Variants in ZNF48 observed in about 807,000 individuals in gnomAD.
The protein encoded by ZNF48 is zinc finger protein 48.
ZNF48 carries 20 observed loss-of-function variants against 40.0 expected under a neutral mutation model. That is an observed-to-expected ratio of 0.50 (90% CI 0.35 to 0.73). The LOEUF is 0.73. Among genes scored for constraint, ZNF48 ranks in the 30% least tolerant of loss-of-function variants. The pLI, the probability that ZNF48 is intolerant of heterozygous loss-of-function variation, is 0.01. For synonymous variants in ZNF48, 298 were observed against 329.7 expected (o/e 0.90, Z 1.04); for missense variants, 726 against 851.9 (o/e 0.85, Z 1.84).
In ZNF48 at chr16:30,398,297, C is replaced by A; in HGVS notation, c.1047C>A (p.His349Gln). The A allele has an allele frequency of 6.2e-7, 1 of 1,613,646 alleles. No individual in the cohort carries two copies. Among genetic ancestry groups the A allele is most frequent in the Non-Finnish European group, 8.5e-7 (1 of 1,180,026 alleles). The change falls in exon 3 of 3, where the codon CAC becomes CAA. Residue 349 changes from histidine to glutamine, a missense_variant. Transcript: ENST00000613509. This position sits in a 1 kb window ranked among gnomAD's most constrained non-coding sequence, Gnocchi z 6.6. Reference sequence around the variant, plus strand: ...CGGACAGCTCCGCCCGAGTCAAACACCTCCGCACCCACAGTGGCGAGAGGC... The same window carrying A: ...CGGACAGCTCCGCCCGAGTCAAACAACTCCGCACCCACAGTGGCGAGAGGC... ...GFADSSARVK[H>Q]LRTHSGERPH...
chr16:30,380,760 A>G, intron 1 of ZNF48: 1 of 279,988 alleles, frequency 3.6e-6, no homozygotes, highest in South Asian at 3.7e-5. Context: ...ACAGAGTGAG[A>G]CTCTATCTAA....
At chr16:30,391,256 C>T (rs1163388645), upstream of ZNF48, among the ~76,000 whole-genome samples, 2 of 151,986 alleles carry the variant, frequency 1.3e-5, no homozygotes, top group Non-Finnish European at 2.9e-5. Flanking sequence ...GTGCAGTGAT[C>T]TCTGCTCACT....
rs746732418 is a variant in ZNF48, at chr16:30,382,770, A to C, written c.-16+4360A>C. The C allele has an allele frequency of 6.5e-7, 1 of 1,536,002 alleles. No individual in the cohort carries two copies. Among genetic ancestry groups the C allele is most frequent in the South Asian group, 1.2e-5 (1 of 84,054 alleles). ...CCATCCTTCACACATCTGGATTCCA[A>C]GTCCCACTGTAGCTCCATCATCGTG... On this transcript the variant is annotated intron_variant, in intron 1 of 2. Coordinates refer to the ZNF48 transcript ENST00000528032. This position sits in a 1 kb window ranked among gnomAD's most constrained non-coding sequence, Gnocchi z 4.8.
chr16:30,394,130 C>T (rs999129368), upstream of ZNF48, among the ~76,000 whole-genome samples: 2 of 152,008 alleles, frequency 1.3e-5, no homozygotes, highest in African/African-American at 4.8e-5. Context: ...CTTGAATGCC[C>T]AGGTTCAGGG....
Position 30,398,180 on chromosome 16 carries a change from G to T in ZNF48, c.930G>T (p.Lys310Asn). ...PKPFGCDVCG[K>N]EFARGSDLVK... ...CCTTTGGCTGTGATGTGTGTGGAAA[G>T]GAGTTTGCCCGGGGATCCGACCTGG... The change falls in exon 3 of 3, where the codon AAG (lysine) becomes AAT (asparagine). Residue 310 changes from lysine to asparagine, a missense_variant. Physicochemically the swap from Lys to Asn is moderately conservative, Grantham distance 94. Coordinates refer to ENST00000613509, the MANE Select transcript of ZNF48 (RefSeq NM_001214909.2). This position sits in a 1 kb window ranked among gnomAD's most constrained non-coding sequence, Gnocchi z 6.6. 1 of 1,614,114 alleles carries T rather than the reference G, an allele frequency of 6.2e-7. No individual in the cohort carries two copies. The highest frequency in any genetic ancestry group is 8.5e-7 in the Non-Finnish European group (1 of 1,180,020).
chr16:30,395,578 G>C lies in ZNF48; in HGVS notation c.-16G>C, dbSNP rs979581228. 2 of 237,266 alleles carry C rather than the reference G, an allele frequency of 8.4e-6. No homozygotes were observed. Among genetic ancestry groups the C allele is most frequent in the African/African-American group, 4.7e-5 (2 of 42,708 alleles). 14.7% of individuals were successfully genotyped at this position (237,266 alleles called of 1,614,324 possible). ...TGGCGGAGCCGGAGGCGGCCGGCAA[G>C]GTGAGAGCGGCGGCTGCGCGCTGGG... is the stretch of plus-strand genomic sequence containing the variant. On this transcript the variant is annotated splice_region_variant and 5_prime_UTR_variant, in exon 1 of 3. Transcript: ENST00000613509. This position sits in a 1 kb window ranked among gnomAD's most constrained non-coding sequence, Gnocchi z 5.9.
chr16:30,391,217 C>T (rs539000589), upstream of ZNF48, among the ~76,000 whole-genome samples: 22 of 152,120 alleles, frequency 1.4e-4, no homozygotes, highest in African/African-American at 3.1e-4. Context: ...TTTTTTGAGA[C>T]GGAGTCTCAC....
rs772879251 is a variant in ZNF48, at chr16:30,397,615, G to A, written c.365G>A (p.Arg122Lys). The A allele has an allele frequency of 6.2e-7, 1 of 1,614,170 alleles. No individual in the cohort carries two copies. Among genetic ancestry groups the A allele is most frequent in the South Asian group, 1.1e-5 (1 of 91,088 alleles). Reference sequence around the variant, plus strand: ...TGTGGTGAGTGTGGCAAAAGCTTCAGGCAGATGTCAGATCTGGTGAAACAC... The same window carrying A: ...TGTGGTGAGTGTGGCAAAAGCTTCAAGCAGATGTCAGATCTGGTGAAACAC... ...AVCGECGKSF[R>K]QMSDLVKHQR... Residue 122 changes from arginine (R) to lysine (K), a missense_variant, in exon 3 of 3, where the codon AGG (arginine) becomes AAG (lysine). This residue lies in a region of ZNF48 where 151 missense variants were observed against 162.3 expected (regional missense o/e 0.93). Coordinates refer to ENST00000613509, the MANE Select transcript of ZNF48 (RefSeq NM_001214909.2). This position sits in a 1 kb window ranked among gnomAD's most constrained non-coding sequence, Gnocchi z 4.1.
rs2049998011 is a variant in ZNF48 at position 30,397,498 on chromosome 16, A to G, written c.248A>G (p.Glu83Gly). The G allele has an allele frequency of 6.2e-7, 1 of 1,613,994 alleles. No individual in the cohort carries two copies. ...TGGGATGACTTATGGGTCCAGAGAG[A>G]GGGTCTAGGAAAGCCTCAGCCTCGG... Reference protein sequence around the residue: ...QNWDDLWVQREGLGKPQPRDR... With the variant: ...QNWDDLWVQRGGLGKPQPRDR... The change falls in exon 3 of 3, where the codon GAG (glutamate) becomes GGG (glycine). Residue 83 changes from glutamate to glycine, a missense_variant. Coordinates refer to ENST00000613509, the MANE Select transcript of ZNF48 (RefSeq NM_001214909.2). This position sits in a 1 kb window ranked among gnomAD's most constrained non-coding sequence, Gnocchi z 4.1.
In ZNF48 at chr16:30,399,082, A is replaced by G; in HGVS notation, c.1832A>G (p.Gln611Arg). 1 of 1,597,452 alleles carries G rather than the reference A, an allele frequency of 6.3e-7. No individual in the cohort carries two copies. Among genetic ancestry groups the G allele is most frequent in the Non-Finnish European group, 8.5e-7 (1 of 1,171,166 alleles). Residue 611 changes from glutamine to arginine, a missense_variant, in exon 3 of 3, where the codon CAG (glutamine) becomes CGG (arginine). Physicochemically the swap from Gln to Arg is conservative, Grantham distance 43. This residue lies in a region of ZNF48 where 166 missense variants were observed against 163.6 expected (regional missense o/e 1.01). Coordinates refer to ENST00000613509, the MANE Select transcript of ZNF48 (RefSeq NM_001214909.2). ...GATGGTAGGGCAAGGCCCCTCAAGC[A>G]GGAGGCAGCAACAGGACTGGAATGA... ...IGDGRARPLK[Q>R]EAATGLE
At chr16:30,390,099 G>T (rs1010056819) in intron 1 of ZNF48, among the ~76,000 whole-genome samples, 1 of 151,832 alleles carries the variant, frequency 6.6e-6, no homozygotes, top group South Asian at 2.1e-4. Flanking sequence ...AGGATTCCAG[G>T]TGTAAGCCAC....
chr16:30,397,219 T>A lies in ZNF48; in HGVS notation c.80-111T>A. 1.1e-6 allele frequency: 1 copy of A among 949,810 alleles called. No homozygotes were observed. The highest frequency in any genetic ancestry group is 1.6e-5 in the African/African-American group (1 of 61,242). 58.8% of individuals were successfully genotyped at this position (949,810 alleles called of 1,614,324 possible). ...ACCAGAGGTTGAGAGGACAGAGAGA[T>A]TGGGGTTCCTGTGACCACAGATTGT... On this transcript the variant is annotated intron_variant, in intron 2 of 2. Coordinates refer to ENST00000613509, the MANE Select transcript of ZNF48 (RefSeq NM_001214909.2). This position sits in a 1 kb window ranked among gnomAD's most constrained non-coding sequence, Gnocchi z 4.1.
rs756423463 is a variant in ZNF48 at position 30,381,184 on chromosome 16, T to G, written c.-16+2774T>G. 5 of 1,613,948 alleles carry G rather than the reference T, an allele frequency of 3.1e-6. No homozygotes were observed. Among genetic ancestry groups the G allele is most frequent in the Non-Finnish European group, 2.5e-6 (3 of 1,180,004 alleles). On this transcript the variant is annotated intron_variant, in intron 1 of 2. Coordinates refer to the ZNF48 transcript ENST00000528032. The surrounding 1 kb of genome is among the most constrained non-coding windows in gnomAD (Gnocchi z 4.3). ...TCAGAGCATCCGCTTTGCCAATGAC[T>G]GGGATGATGTTGACTTTCTCGTGTA...
At position 30,382,587 on chromosome 16, in the gene ZNF48, A is replaced by T; in HGVS notation, c.-16+4177A>T. On this transcript the variant is annotated intron_variant, in intron 1 of 2. Coordinates refer to the ZNF48 transcript ENST00000528032. This position sits in a 1 kb window ranked among gnomAD's most constrained non-coding sequence, Gnocchi z 4.8. The stretch of plus-strand genomic sequence containing the variant: ...CCCCACTTCCTCTGGTGGGGCAGGA[A>T]GCTGAGTGCGGCTAACAAGGGGGCG... 6.4e-7 allele frequency: 1 copy of T among 1,566,960 alleles called. No homozygotes were observed. The highest frequency in any genetic ancestry group is 1.2e-5 in the South Asian group (1 of 85,452).
upstream of ZNF48, among the ~76,000 whole-genome samples, chr16:30,391,176 C>G (rs1189882322): frequency 1.3e-5 from 2 of 152,148 alleles, no homozygotes; most frequent in African/African-American, 4.8e-5. Context: ...TCTCAAGCTT[C>G]TAGCACACAT....
intron 1 of ZNF48, among the ~76,000 whole-genome samples, chr16:30,389,896 G>GTGCGATCA (rs1396608500): frequency 8.2e-6 from 1 of 121,992 alleles, no homozygotes; most frequent in Non-Finnish European, 1.6e-5. Flanking sequence ...GAATGTAGTA[G>GTGCGATCA]TGCGATCATA....
chr16:30,378,363 T>C (rs2049779716), exon 1 of ZNF48: 7 of 1,381,708 alleles, frequency 5.1e-6, no homozygotes, highest in Non-Finnish European at 6.8e-6. Flanking sequence ...CGCTGGGCAG[T>C]GTGGGGCGCG....
At chr16:30,384,651 C>T (rs1046898065) in intron 1 of ZNF48, among the ~76,000 whole-genome samples, 15 of 150,982 alleles carry the variant, frequency 9.9e-5, no homozygotes, top group African/African-American at 1.7e-4. Flanking sequence ...ACAGGGCAGT[C>T]GGATCACTTG....
chr16:30,381,442 G>GCTCCT lies in ZNF48; in HGVS notation c.-16+3034_-16+3038dup. ...TCATCCCTAAGGTACTGCTCAAATTGCTCCTCGATGAATTTCACCACCGGA... is the reference window on the plus strand; with the variant it reads ...TCATCCCTAAGGTACTGCTCAAATTGCTCCTCTCCTCGATGAATTTCACCACCGGA... On this transcript the variant is annotated intron_variant, in intron 1 of 2. Coordinates refer to the ZNF48 transcript ENST00000528032. This position sits in a 1 kb window ranked among gnomAD's most constrained non-coding sequence, Gnocchi z 4.3. 6.2e-7 allele frequency: 1 copy of GCTCCT among 1,614,034 alleles called. No homozygotes were observed. Among genetic ancestry groups the GCTCCT allele is most frequent in the Non-Finnish European group, 8.5e-7 (1 of 1,180,014 alleles).
Sources: allele counts gnomAD v4.1 joint callset (sites outside exome capture counted in the v4.1 genomes callset), GRCh38; gene constraint gnomAD v4.1.1; regional missense constraint gnomAD v4.1.1; non-coding constraint Gnocchi (gnomAD v3.1); transcripts MANE v1.5; gene names NCBI Gene and HGNC (gene_info 2026-07-23, HGNC 2026-07-21).